Variants in TENM4 observed in about 807,000 individuals in gnomAD.
The protein encoded by TENM4 is teneurin transmembrane protein 4, also known as teneurin-4.
A neutral mutation model predicts 243.3 loss-of-function variants in TENM4; 82 were observed. The observed-to-expected ratio is 0.34, with a 90% CI of 0.28 to 0.40. TENM4 has a LOEUF of 0.40. TENM4 is among the 10% of genes least tolerant of loss of function. The pLI is 1.00. For missense variants in TENM4, 3,138 were observed against 3,673.3 expected (o/e 0.85, Z 3.77); for synonymous variants, 1,412 against 1,456.3 (o/e 0.97, Z 0.69).
chr11:78,696,445 T>C (rs1858965908), intron 28 of TENM4, among the ~76,000 whole-genome samples: 1 of 151,924 alleles, frequency 6.6e-6, no homozygotes, highest in Admixed American at 6.5e-5. Flanking sequence ...GTACGTTCAG[T>C]TGAAAGCGTG....
intron 1 of TENM4, among the ~76,000 whole-genome samples, chr11:79,387,483 T>C (rs1032074628): frequency 6.6e-6 from 1 of 152,244 alleles, no homozygotes. Flanking sequence ...CTACCCAGCA[T>C]TGTTTCCTCT....
At chr11:79,307,360 C>T (rs1256755767) in intron 1 of TENM4, among the ~76,000 whole-genome samples, 3 of 152,144 alleles carry the variant, frequency 2.0e-5, no homozygotes, top group African/African-American at 7.2e-5. Context: ...GTGATGCCAC[C>T]TTCCACCGGC....
chr11:79,400,366 A>G (rs1346037397), intron 1 of TENM4, among the ~76,000 whole-genome samples: 1 of 151,632 alleles, frequency 6.6e-6, no homozygotes, highest in Non-Finnish European at 1.5e-5. Context: ...GACAATGCAC[A>G]TACCTGGAAC....
At chr11:78,970,262 T>C (rs1037057980) in intron 6 of TENM4, among the ~76,000 whole-genome samples, 2 of 152,172 alleles carry the variant, frequency 1.3e-5, no homozygotes, top group Non-Finnish European at 2.9e-5. Context: ...CACCTATGTG[T>C]TCTGGTCTTA....
chr11:79,041,969 C>T (rs1252794447), intron 6 of TENM4, among the ~76,000 whole-genome samples: 2 of 152,158 alleles, frequency 1.3e-5, no homozygotes, highest in Admixed American at 6.5e-5. Context: ...TTCCCTTAGC[C>T]GGAGGGTCTG....
chr11:78,712,558 G>A lies in TENM4; in HGVS notation c.3978C>T (p.Asp1326=), dbSNP rs1218235268. 1.1e-5 allele frequency: 18 copies of A among 1,613,850 alleles called. No homozygotes were observed. Among genetic ancestry groups the A allele is most frequent in the Non-Finnish European group, 1.5e-5 (18 of 1,179,908 alleles). The change falls in exon 26 of 34, where the codon GAC becomes GAT. Residue 1326 remains aspartate (D), a synonymous_variant. Coordinates refer to ENST00000278550, the MANE Select transcript of TENM4 (RefSeq NM_001098816.3). The part of the protein sequence containing the change: ...KNSEVVAGTG[D]QCLPFDDTRC... ...GAGTGTCATCAAAGGGGAGGCACTG[G>A]TCACCTGTCCCCGCAACCACCTCAG...
At chr11:78,708,950 C>CTTTTCTTTCT (rs1555068551) in intron 26 of TENM4, among the ~76,000 whole-genome samples, 3 of 128,166 alleles carry the variant, frequency 2.3e-5, no homozygotes, top group African/African-American at 9.2e-5. Context: ...AACCATTTTT[C>CTTTTCTTTCT]TTTTCTTTCT....
intron 26 of TENM4, among the ~76,000 whole-genome samples, chr11:78,711,769 G>A (rs1365391801): frequency 6.6e-6 from 1 of 152,102 alleles, no homozygotes; most frequent in South Asian, 2.1e-4. Flanking sequence ...AGGCACAGGG[G>A]TCTCTCTTGG....
In TENM4 at chr11:78,689,247, G is replaced by A. The variant is rs544872592; in HGVS notation, c.5088-1021C>T. Among the ~76,000 whole-genome samples the A allele has an allele frequency of 3.1e-3, 471 of 152,236 alleles. 4 individuals carry two copies. Among genetic ancestry groups the A allele is most frequent in the African/African-American group, 9.8e-3 (409 of 41,538 alleles). ...TGTCTTCAATGAACATTTCTGTACCGTCCATTTGCAAGTATTCAACACATG... is the reference window on the plus strand; with the variant it reads ...TGTCTTCAATGAACATTTCTGTACCATCCATTTGCAAGTATTCAACACATG... On this transcript the variant is annotated intron_variant, in intron 28 of 33. Coordinates refer to ENST00000278550, the MANE Select transcript of TENM4 (RefSeq NM_001098816.3).
At chr11:78,736,484 G>A (rs1482060432) in intron 20 of TENM4, among the ~76,000 whole-genome samples, 38 of 150,328 alleles carry the variant, frequency 2.5e-4, no homozygotes, top group South Asian at 8.3e-4. Context: ...GTGTGTGCGC[G>A]CGCGTGCATG....
chr11:78,991,328 G>T (rs1394726438), intron 6 of TENM4, among the ~76,000 whole-genome samples: 2 of 151,774 alleles, frequency 1.3e-5, no homozygotes, highest in East Asian at 1.9e-4. Flanking sequence ...ATTCATTATT[G>T]CCTCTTGTTG....
intron 12 of TENM4, among the ~76,000 whole-genome samples, chr11:78,847,612 A>AATTC (rs1392870070): frequency 6.6e-6 from 1 of 152,304 alleles, no homozygotes; most frequent in East Asian, 1.9e-4. Flanking sequence ...GGGAGAGGTA[A>AATTC]ATTCACAGGG....
intron 1 of TENM4, among the ~76,000 whole-genome samples, chr11:79,421,262 C>CA (rs1413381489): frequency 6.6e-6 from 1 of 151,390 alleles, no homozygotes; most frequent in Non-Finnish European, 1.5e-5. Context: ...CACCCCCCCT[C>CA]AAAAAAAAGG....
At chr11:79,012,317 A>G (rs1289248742) in intron 6 of TENM4, among the ~76,000 whole-genome samples, 1 of 152,152 alleles carries the variant, frequency 6.6e-6, no homozygotes, top group Non-Finnish European at 1.5e-5. Context: ...TTCCAAAGCC[A>G]AGGTCCTGAA....
intron 17 of TENM4, among the ~76,000 whole-genome samples, chr11:78,771,798 G>A (rs925226619): frequency 6.6e-6 from 1 of 152,182 alleles, no homozygotes; most frequent in East Asian, 1.9e-4. Flanking sequence ...AGCTGTGATC[G>A]CCATTGTGAA....
intron 1 of TENM4, among the ~76,000 whole-genome samples, chr11:79,319,932 T>A (rs1346589840): frequency 1.3e-5 from 2 of 152,086 alleles, no homozygotes; most frequent in East Asian, 3.9e-4. Context: ...GTTGACAAGA[T>A]TTTCTTATTA....
At chr11:78,721,856 C>G (rs1165632844) in intron 24 of TENM4, among the ~76,000 whole-genome samples, 1 of 152,140 alleles carries the variant, frequency 6.6e-6, no homozygotes, top group African/African-American at 2.4e-5. Context: ...TCCCTTATCT[C>G]TAAAGCACAG....
At chr11:78,938,609 T>G (rs1856832682) in intron 6 of TENM4, among the ~76,000 whole-genome samples, 1 of 152,120 alleles carries the variant, frequency 6.6e-6, no homozygotes, top group African/African-American at 2.4e-5. Flanking sequence ...AAATAATATT[T>G]TAATAGGAAG....
At chr11:78,940,100 GTA>G (rs60930669) in intron 6 of TENM4, among the ~76,000 whole-genome samples, 2,526 of 152,138 alleles carry the variant, frequency 0.017, 33 homozygotes, top group African/African-American at 0.034. Context: ...ATGCTCCCTG[GTA>G]TATATACATT....
Sources: allele counts gnomAD v4.1 joint callset (sites outside exome capture counted in the v4.1 genomes callset), GRCh38; gene constraint gnomAD v4.1.1; transcripts MANE v1.5; gene names NCBI Gene and HGNC (gene_info 2026-07-23, HGNC 2026-07-21).